The following PLEKHG1 variants were observed in gnomAD, a reference collection of about 807,000 sequenced individuals.
PLEKHG1 encodes pleckstrin homology domain-containing family G member 1.
PLEKHG1 carries 44 observed loss-of-function variants against 100.8 expected under a neutral mutation model. That is an observed-to-expected ratio of 0.44 (90% CI 0.34 to 0.56). The LOEUF is 0.56. Ranked by LOEUF, PLEKHG1 falls within the 20% of genes least tolerant of loss-of-function variation. The pLI is 0.01. For missense variants in PLEKHG1, 1,545 were observed against 1,720.9 expected (o/e 0.90, Z 1.81); for synonymous variants, 640 against 662.5 (o/e 0.97, Z 0.52).
At chr6:150,673,369 A>G (rs1466168330) in intron 3 of PLEKHG1, among the ~76,000 whole-genome samples, 6 of 152,302 alleles carry the variant, frequency 3.9e-5, no homozygotes, top group African/African-American at 1.4e-4. Context: ...CTCAGCCCCC[A>G]AGCCAGACAT....
intron 3 of PLEKHG1, among the ~76,000 whole-genome samples, chr6:150,715,338 C>G (rs934468520): frequency 1.3e-5 from 2 of 152,114 alleles, no homozygotes; most frequent in Non-Finnish European, 2.9e-5. Context: ...TTTAATAAAT[C>G]ACAGCAGCTG....
chr6:150,718,506 G>A (rs1781526743), upstream of PLEKHG1, among the ~76,000 whole-genome samples: 2 of 134,634 alleles, frequency 1.5e-5, no homozygotes, highest in Non-Finnish European at 3.1e-5. Context: ...GTGTCACTCT[G>A]TCACCCAGAC....
chr6:150,776,970 G>A (rs1395266836), intron 3 of PLEKHG1, among the ~76,000 whole-genome samples: 1 of 150,564 alleles, frequency 6.6e-6, no homozygotes, highest in Non-Finnish European at 1.5e-5. Context: ...CACATGTGCG[G>A]CTGCACATCA....
intron 11 of PLEKHG1, 90 bp from the exon 13 acceptor site, chr6:150,819,589 T>C: frequency 1.6e-6 from 1 of 632,632 alleles, no homozygotes; most frequent in Non-Finnish European, 2.8e-6. Flanking sequence ...ATAATAATAA[T>C]AAATCCATAT....
intron 10 of PLEKHG1, among the ~76,000 whole-genome samples, chr6:150,812,335 T>G (rs1414634950): frequency 2.6e-5 from 4 of 151,990 alleles, no homozygotes; most frequent in Non-Finnish European, 4.4e-5. Context: ...AACATCTAAG[T>G]GATCAGCAAG....
intron 3 of PLEKHG1, among the ~76,000 whole-genome samples, chr6:150,707,666 CTGTT>C (rs1554262127): frequency 6.6e-6 from 1 of 152,082 alleles, no homozygotes; most frequent in Non-Finnish European, 1.5e-5. Flanking sequence ...CCCCAAAAAT[CTGTT>C]TTTTTAATGC....
In PLEKHG1 at chr6:150,710,155, G is replaced by A. The variant is rs2128603959; in HGVS notation, c.-98-23429G>A. ...AGAGACTCTTAAACAGATATCTTAT[G>A]TCTGATCCATACTGGCAACCAGCCA... is the stretch of plus-strand genomic sequence containing the variant. On this transcript the variant is annotated intron_variant, in intron 3 of 3. Coordinates refer to the PLEKHG1 transcript ENST00000367326. 3.3e-5 allele frequency among the ~76,000 whole-genome samples: 5 copies of A among 152,306 alleles called. 1 individual carries two copies. The South Asian group carries it at 1.0e-3, about 32-fold the overall frequency.
intron 2 of PLEKHG1, among the ~76,000 whole-genome samples, chr6:150,763,622 A>T (rs562946138): frequency 6.6e-6 from 1 of 152,180 alleles, no homozygotes; most frequent in African/African-American, 2.4e-5. Flanking sequence ...GCCTCTGCAG[A>T]TGGGGCCTGC....
rs905616712 is a variant in PLEKHG1, at chr6:150,761,946, A to G, written c.412-6692A>G. Among the ~76,000 whole-genome samples, 5 of 152,268 alleles carry G rather than the reference A, an allele frequency of 3.3e-5. No individual in the cohort carries two copies. In the South Asian group the frequency reaches 1.0e-3, roughly 32 times the overall value. ...CCTTTCAGGAGGAGGTAGCAAAACA[A>G]TAGAGGGGACTGAACAGGCGCATGT... is the stretch of plus-strand genomic sequence containing the variant. On this transcript the variant is annotated intron_variant, in intron 2 of 15. Coordinates refer to ENST00000358517, the Ensembl canonical transcript of PLEKHG1.
chr6:150,636,293 A>G (rs200150820), intron 1 of PLEKHG1, among the ~76,000 whole-genome samples: 55 of 76,600 alleles, frequency 7.2e-4, no homozygotes, highest in African/African-American at 2.1e-3. Flanking sequence ...GACTTTTTTT[A>G]AAAAAAAAAG....
At chr6:150,733,026 T>G (rs1029547106) in intron 1 of PLEKHG1, among the ~76,000 whole-genome samples, 1 of 152,262 alleles carries the variant, frequency 6.6e-6, no homozygotes, top group Non-Finnish European at 1.5e-5. Flanking sequence ...CCAGCATTAT[T>G]TAAATCAAGT....
chr6:150,804,463 G>T, intron 6 of PLEKHG1, 147 bp from the exon 8 acceptor site: 1 of 580,712 alleles, frequency 1.7e-6, no homozygotes. Flanking sequence ...GGGATTACAG[G>T]CATGAGCCAC....
chr6:150,819,845 C>T, intron 12 of PLEKHG1, 71 bp downstream of exon 13: 1 of 876,014 alleles, frequency 1.1e-6, no homozygotes, highest in Non-Finnish European at 2.0e-6. Context: ...TTGAGTCTGA[C>T]AAAAGGGAAT....
chr6:150,773,198 A>G (rs1784791172), intron 3 of PLEKHG1, among the ~76,000 whole-genome samples: 1 of 152,000 alleles, frequency 6.6e-6, no homozygotes, highest in African/African-American at 2.4e-5. Flanking sequence ...TAGTAAGGAG[A>G]TCTAAACTCT....
chr6:150,805,531 C>CTT (rs1307779506), intron 7 of PLEKHG1, among the ~76,000 whole-genome samples: 3 of 143,626 alleles, frequency 2.1e-5, no homozygotes, highest in Admixed American at 7.0e-5. Context: ...TTTCGGTTTC[C>CTT]TTTTTTTTTT....
Position 150,828,279 on chromosome 6 carries a change from G to A in PLEKHG1, c.1471-2303G>A, listed in dbSNP as rs1776725274. On this transcript the variant is annotated intron_variant, in intron 14 of 15. Coordinates refer to ENST00000358517, the Ensembl canonical transcript of PLEKHG1. ...AACTGTCTGAATCTGGAGCAATTAC[G>A]ACAGACCTGGAGGAAAACCCTAAGA... The A allele has an allele frequency of 1.2e-5, 19 of 1,612,860 alleles. No homozygotes were observed. In the South Asian group the frequency reaches 1.6e-4, roughly 14 times the overall value.
At chr6:150,702,046 A>G (rs1780811203) in intron 3 of PLEKHG1, among the ~76,000 whole-genome samples, 1 of 152,248 alleles carries the variant, frequency 6.6e-6, no homozygotes, top group Admixed American at 6.5e-5. Flanking sequence ...ATCTCACTCC[A>G]TAATTCACCC....
In PLEKHG1 at chr6:150,685,693, A is replaced by G. The variant is rs377552268; in HGVS notation, c.-99+34907A>G. On this transcript the variant is annotated intron_variant, in intron 3 of 3. Coordinates refer to the PLEKHG1 transcript ENST00000367326. ...TAATAAGGTAAATGTCAACAAAATG[A>G]ATATGTAAGGTGTGTATCCTCAGAA... Among the ~76,000 whole-genome samples, 149 of 152,336 alleles carry G rather than the reference A, an allele frequency of 9.8e-4. 3 individuals are homozygous for G. In the South Asian group the frequency reaches 0.03, roughly 31 times the overall value.
At chr6:150,838,955 G>C (rs1323180589) in intron 15 of PLEKHG1, among the ~76,000 whole-genome samples, 1 of 152,154 alleles carries the variant, frequency 6.6e-6, no homozygotes, top group African/African-American at 2.4e-5. Flanking sequence ...AGTAGACATT[G>C]GTTCCCCAGA....
Sources: gnomAD v4.1 joint callset for allele counts (sites outside exome capture counted in the v4.1 genomes callset) on GRCh38, gnomAD v4.1.1 for gene constraint, MANE v1.5 for transcripts, NCBI Gene and HGNC (gene_info 2026-07-23, HGNC 2026-07-21) for gene names.